Variants in PTH2R observed in about 807,000 individuals in gnomAD.
PTH2R encodes parathyroid hormone 2 receptor.
PTH2R carries 59 observed loss-of-function variants against 60.3 expected under a neutral mutation model. That is an observed-to-expected ratio of 0.98 (90% CI 0.79 to 1.22). The LOEUF (loss-of-function observed/expected upper bound fraction) is 1.22. Among genes scored for constraint, PTH2R ranks in the 50% most tolerant of loss-of-function variants. PTH2R has a pLI of 0.00. For synonymous variants in PTH2R, 256 were observed against 243.8 expected, an observed-to-expected ratio of 1.05 and a Z score of -0.47; for missense variants, 749 against 682.6, an observed-to-expected ratio of 1.10 and a Z score of -1.08.
In PTH2R at chr2:208,444,907, G is replaced by A. The variant is rs984695268; in HGVS notation, c.853+20G>A. The A allele has an allele frequency of 6.2e-6, 10 of 1,600,816 alleles. No individual in the cohort carries two copies. Among genetic ancestry groups the A allele is most frequent in the Admixed American group, 3.4e-5 (2 of 58,454 alleles). ...GCTGGGGTAAGACATTTATATCTCT[G>A]TTCCTTTCAAACTGGATGATGCATT... On this transcript the variant is annotated intron_variant, in intron 7 of 12. Transcript: ENST00000272847.
At chr2:208,406,190 G>A (rs1701401672), upstream of PTH2R, among the ~76,000 whole-genome samples, 1 of 151,976 alleles carries the variant, frequency 6.6e-6, no homozygotes, top group South Asian at 2.1e-4. Context: ...GATTTTAAAA[G>A]GTTGTAATAC....
rs749502124 is a variant in PTH2R, at chr2:208,493,254, C to T, written c.1258-10C>T. 13 of 1,489,862 alleles carry T rather than the reference C, an allele frequency of 8.7e-6. No individual in the cohort carries two copies. The highest frequency in any genetic ancestry group is 2.8e-5 in the South Asian group (2 of 70,194). 92.3% of individuals were successfully genotyped at this position (1,489,862 alleles called of 1,614,324 possible). On this transcript the variant is annotated splice_polypyrimidine_tract_variant and intron_variant, in intron 12 of 12. Transcript: ENST00000272847. Reference sequence around the variant, plus strand: ...GATTTCTCATGCACAGCATGTTTCTCGTGGCTTAGGTTCAGGCAGAGGTGA... The same window carrying T: ...GATTTCTCATGCACAGCATGTTTCTTGTGGCTTAGGTTCAGGCAGAGGTGA...
intron 9 of PTH2R, among the ~76,000 whole-genome samples, chr2:208,473,753 A>T (rs1284090945): frequency 6.6e-6 from 1 of 152,224 alleles, no homozygotes. Flanking sequence ...GATATTACTT[A>T]TAGTGGATCA....
At chr2:208,392,999 G>C (rs557648258) in intron 1 of PTH2R, among the ~76,000 whole-genome samples, 5 of 152,280 alleles carry the variant, frequency 3.3e-5, no homozygotes, top group Admixed American at 6.5e-5. Context: ...TTGCTGTCTG[G>C]GCATTCCTTC....
chr2:208,474,700 G>T (rs1702961095), intron 9 of PTH2R, among the ~76,000 whole-genome samples: 1 of 152,194 alleles, frequency 6.6e-6, no homozygotes, highest in East Asian at 1.9e-4. Context: ...CCTTAAAATT[G>T]TGATGAGACA....
chr2:208,365,944 ATATATATATATATATATTTTTTTTTT>A lies in PTH2R; in HGVS notation c.-259+5709_-259+5734del, dbSNP rs1288230323. Among the ~76,000 whole-genome samples, 20 of 15,136 alleles carry A rather than the reference ATATATATATATATATATTTTTTTTTT, an allele frequency of 1.3e-3. 1 individual carries two copies. Among genetic ancestry groups the A allele is most frequent in the African/African-American group, 3.4e-3 (20 of 5,910 alleles). 9.9% of individuals were successfully genotyped at this position (15,136 alleles called of 152,430 possible). ...ATAATAGATAAATATATATATATATATATATATATATATATATTTTTTTTTTTTTTTTTTTTTTTTTTTTTTTTTTT... is the reference window on the plus strand; with the variant it reads ...ATAATAGATAAATATATATATATATATTTTTTTTTTTTTTTTTTTTTTTTT... On this transcript the variant is annotated intron_variant, in intron 1 of 12. Coordinates refer to the PTH2R transcript ENST00000617735.
At chr2:208,441,576 A>G (rs980000273) in intron 4 of PTH2R, among the ~76,000 whole-genome samples, 1 of 152,196 alleles carries the variant, frequency 6.6e-6, no homozygotes, top group African/African-American at 2.4e-5. Flanking sequence ...AAGATCCCAT[A>G]CTGTATAATT....
chr2:208,409,723 T>C (rs1217923542), intron 1 of PTH2R, among the ~76,000 whole-genome samples: 1 of 152,176 alleles, frequency 6.6e-6, no homozygotes, highest in Admixed American at 6.5e-5. Context: ...TTGGTAAAGA[T>C]ATACTTTTGT....
chr2:208,432,708 A>G (rs1446817904), intron 2 of PTH2R, among the ~76,000 whole-genome samples: 1 of 152,216 alleles, frequency 6.6e-6, no homozygotes, highest in Middle Eastern at 3.2e-3. Context: ...CAAATACCTG[A>G]GAGCCCCCAG....
chr2:208,396,517 A>G (rs950037490), intron 1 of PTH2R, among the ~76,000 whole-genome samples: 7 of 152,234 alleles, frequency 4.6e-5, no homozygotes, highest in African/African-American at 1.7e-4. Flanking sequence ...ACACTTCTCA[A>G]AATAAGACAT....
At chr2:208,463,194 C>T (rs1702667218) in intron 9 of PTH2R, among the ~76,000 whole-genome samples, 3 of 152,126 alleles carry the variant, frequency 2.0e-5, no homozygotes, top group Admixed American at 6.5e-5. Flanking sequence ...CATGTCATCT[C>T]ATCTTCTCCC....
intron 1 of PTH2R, among the ~76,000 whole-genome samples, chr2:208,371,646 C>T (rs1174544147): frequency 6.6e-6 from 1 of 152,096 alleles, no homozygotes; most frequent in Non-Finnish European, 1.5e-5. Flanking sequence ...GTAGAGATTG[C>T]GGTCAGGCAT....
chr2:208,426,257 C>T (rs922963700), intron 1 of PTH2R, among the ~76,000 whole-genome samples: 1 of 152,126 alleles, frequency 6.6e-6, no homozygotes, highest in Non-Finnish European at 1.5e-5. Context: ...CATTTTATTT[C>T]AAATCATAAA....
rs1007568314 is a variant in PTH2R, at chr2:208,458,202, T to C, written c.915-1693T>C. 2.6e-5 allele frequency among the ~76,000 whole-genome samples: 4 copies of C among 152,244 alleles called. No individual in the cohort carries two copies. In the East Asian group the frequency reaches 7.7e-4, roughly 29 times the overall value. On this transcript the variant is annotated intron_variant, in intron 8 of 12. Coordinates refer to ENST00000272847, the MANE Select transcript of PTH2R (RefSeq NM_005048.4). ...TTCAATTGATGTCAGTTCAATCCAA[T>C]AGATATTTATTGACTACCTACATAC...
intron 1 of PTH2R, among the ~76,000 whole-genome samples, chr2:208,407,751 T>C (rs928555682): frequency 1.3e-5 from 2 of 149,490 alleles, no homozygotes; most frequent in African/African-American, 4.9e-5. Flanking sequence ...TCATACGCAC[T>C]TTTTTTTTTG....
At chr2:208,399,101 T>G (rs1460339848) in intron 1 of PTH2R, among the ~76,000 whole-genome samples, 1 of 152,260 alleles carries the variant, frequency 6.6e-6, no homozygotes, top group Non-Finnish European at 1.5e-5. Flanking sequence ...TAATCATCTC[T>G]TAGTTTCCCC....
At chr2:208,388,972 G>C (rs1476222277) in intron 1 of PTH2R, among the ~76,000 whole-genome samples, 1 of 152,114 alleles carries the variant, frequency 6.6e-6, no homozygotes, top group Non-Finnish European at 1.5e-5. Flanking sequence ...TCGAAGCATA[G>C]CACATACGTA....
rs533208176 is a variant in PTH2R at position 208,463,652 on chromosome 2, T to C, written c.981+3691T>C. Among the ~76,000 whole-genome samples, 379 of 152,310 alleles carry C rather than the reference T, an allele frequency of 2.5e-3. 1 individual carries two copies. Among genetic ancestry groups the C allele is most frequent in the Middle Eastern group, 3.4e-3 (1 of 294 alleles). ...CATTAGCTATTATCATTTTTACTTT[T>C]CACGTGTTAATAACTTGCCCACACT... On this transcript the variant is annotated intron_variant, in intron 9 of 12. Coordinates refer to ENST00000272847, the MANE Select transcript of PTH2R (RefSeq NM_005048.4).
intron 1 of PTH2R, among the ~76,000 whole-genome samples, chr2:208,416,206 T>C (rs11902124): frequency 0.078 from 11,814 of 152,222 alleles, 504 homozygotes; most frequent in African/African-American, 0.083. Context: ...TAGTTCAACC[T>C]GAAGTGGAGT....
Sources: gnomAD v4.1 joint callset for allele counts (sites outside exome capture counted in the v4.1 genomes callset) on GRCh38, gnomAD v4.1.1 for gene constraint, MANE v1.5 for transcripts, NCBI Gene and HGNC (gene_info 2026-07-23, HGNC 2026-07-21) for gene names.